The following TRRAP variants were observed in gnomAD, a reference collection of about 807,000 sequenced individuals.
The protein encoded by TRRAP is transformation/transcription domain-associated protein.
In TRRAP, 41 loss-of-function variants were observed where a neutral mutation model predicts 438.8. The ratio of observed to expected loss-of-function variants is 0.09; its 90% CI spans 0.07 to 0.12. The LOEUF (loss-of-function observed/expected upper bound fraction) is 0.12, where lower values mean the gene tolerates loss of function less well. TRRAP is among the 10% of genes least tolerant of loss of function. The pLI is 1.00. For synonymous variants in TRRAP, 1,994 were observed against 1,962.9 expected (o/e 1.02, Z -0.42); for missense variants, 3,122 against 5,055.1 (o/e 0.62, Z 11.60).
chr7:98,949,824 C>T lies in TRRAP; in HGVS notation c.5118C>T (p.Cys1706=). The T allele has an allele frequency of 6.2e-7, 1 of 1,613,298 alleles. No homozygotes were observed. The change falls in exon 37 of 73, where the codon TGC becomes TGT. Residue 1706 remains cysteine (C), a synonymous_variant. Coordinates refer to ENST00000456197, the MANE Select transcript of TRRAP (RefSeq NM_001375524.1). ...NWKEPKLLAY[C]LLNYCKRNYG... ...AGGAGCCCAAGCTGCTGGCCTACTGCCTGCTGAACTACTGCAAGTGGGTGC... is the reference window on the plus strand; with the variant it reads ...AGGAGCCCAAGCTGCTGGCCTACTGTCTGCTGAACTACTGCAAGTGGGTGC...
intron 12 of TRRAP, among the ~76,000 whole-genome samples, chr7:98,905,938 C>T (rs1429121938): frequency 1.3e-5 from 2 of 152,118 alleles, no homozygotes; most frequent in Non-Finnish European, 2.9e-5. Context: ...TTAATTTGAT[C>T]TCTGACCCTG....
In TRRAP at chr7:98,953,313, C is replaced by A; in HGVS notation, c.5610C>A (p.Thr1870=). The A allele has an allele frequency of 6.2e-7, 1 of 1,614,072 alleles. No individual in the cohort carries two copies. The highest frequency in any genetic ancestry group is 8.5e-7 in the Non-Finnish European group (1 of 1,180,044). Reference sequence around the variant, plus strand: ...ACAGCAAGCTGCGCCGCCTCATGACCTTCGCCTGGCCCTGCCTGCTCTCCA... The same window carrying A: ...ACAGCAAGCTGCGCCGCCTCATGACATTCGCCTGGCCCTGCCTGCTCTCCA... The part of the protein sequence containing the change: ...NRNSKLRRLM[T]FAWPCLLSKA... The change falls in exon 40 of 73, where the codon ACC becomes ACA. Residue 1870 remains threonine (T), a synonymous_variant. Coordinates refer to ENST00000456197, the MANE Select transcript of TRRAP (RefSeq NM_001375524.1).
intron 20 of TRRAP, among the ~76,000 whole-genome samples, chr7:98,919,844 C>A (rs1364410053): frequency 6.6e-6 from 1 of 152,174 alleles, no homozygotes; most frequent in Non-Finnish European, 1.5e-5. Context: ...GCCACAGGAA[C>A]CACCACAGGC....
At chr7:98,993,835 G>A in intron 66 of TRRAP, 98 bp downstream of exon 66, 1 of 1,240,256 alleles carries the variant, frequency 8.1e-7, no homozygotes, top group Non-Finnish European at 1.2e-6. Flanking sequence ...TTAGTTGCCG[G>A]TCCTTTTATA....
chr7:98,961,657 C>A (rs964136672), intron 46 of TRRAP, among the ~76,000 whole-genome samples, 183 bp downstream of exon 46: 1 of 152,198 alleles, frequency 6.6e-6, no homozygotes, highest in African/African-American at 2.4e-5. Context: ...TGGTGGCTCA[C>A]GCCTGTAATC....
In TRRAP at chr7:98,912,330, G is replaced by T. The variant is rs1009371491; in HGVS notation, c.2199+117G>T. ...CGTTCTGGACTCAAGCAATCCACCT[G>T]CCTTGATCTCCCCAGTTTTTGGGAC... On this transcript the variant is annotated intron_variant, in intron 18 of 72. Transcript: ENST00000456197. 4.7e-6 allele frequency: 5 copies of T among 1,070,314 alleles called. No homozygotes were observed. In the South Asian group the frequency reaches 8.2e-5, roughly 17 times the overall value. 66.3% of individuals were successfully genotyped at this position (1,070,314 alleles called of 1,614,324 possible).
rs1554408532 is a variant in TRRAP at position 98,910,387 on chromosome 7, C to T, written c.1682C>T (p.Thr561Met). ...KTLVCGVKTITWGITSCKAPG... is the reference protein window; with the variant it reads ...KTLVCGVKTIMWGITSCKAPG... The stretch of plus-strand genomic sequence containing the variant: ...TTGGTGTGTGGTGTCAAGACAATCA[C>T]GTGGGGCATAACATCATGCAAAGCA... The change falls in exon 15 of 73, where the codon ACG becomes ATG. Residue 561 changes from threonine to methionine, a missense_variant. Physicochemically the swap from Thr to Met is moderately conservative, Grantham distance 81. Transcript: ENST00000456197. The T allele has an allele frequency of 1.9e-6, 3 of 1,608,678 alleles. No individual in the cohort carries two copies. Among genetic ancestry groups the T allele is most frequent in the Non-Finnish European group, 8.5e-7 (1 of 1,178,552 alleles).
intron 21 of TRRAP, among the ~76,000 whole-genome samples, chr7:98,923,461 G>A (rs1471905981): frequency 4.6e-5 from 7 of 152,266 alleles, no homozygotes; most frequent in Admixed American, 1.3e-4. Context: ...GGAAAGATGA[G>A]CGTGGCTAAG....
intron 18 of TRRAP, among the ~76,000 whole-genome samples, chr7:98,912,893 C>T (rs1789341719): frequency 1.3e-5 from 2 of 152,140 alleles, no homozygotes; most frequent in African/African-American, 4.8e-5. Context: ...ACTCCGTTCT[C>T]CCAGAGCTGG....
Position 98,950,920 on chromosome 7 carries a change from G to A in TRRAP, c.5379G>A (p.Glu1793=). Reference sequence around the variant, plus strand: ...ATCCTGCTTTCTTGTACAGCTTTGAGAAGGGGGAAGGAGAGCAGCTCTTGG... The same window carrying A: ...ATCCTGCTTTCTTGTACAGCTTTGAAAAGGGGGAAGGAGAGCAGCTCTTGG... ...ILNPAFLYSF[E]KGEGEQLLGP... is the part of the protein sequence containing the mutation. Residue 1793 remains glutamate (E), a synonymous_variant, in exon 39 of 73, where the codon GAG becomes GAA. Transcript: ENST00000456197. 6.2e-7 allele frequency: 1 copy of A among 1,603,724 alleles called. No homozygotes were observed. Among genetic ancestry groups the A allele is most frequent in the Non-Finnish European group, 8.5e-7 (1 of 1,176,604 alleles).
intron 2 of TRRAP, 134 bp from the exon 3 acceptor site, chr7:98,881,841 G>A: frequency 1.1e-6 from 1 of 886,994 alleles, no homozygotes. Context: ...CTAGCTATGT[G>A]CCTTCTATTA....
intron 67 of TRRAP, among the ~76,000 whole-genome samples, chr7:98,996,086 C>T (rs1793644952): frequency 6.6e-6 from 1 of 151,346 alleles, no homozygotes; most frequent in South Asian, 2.1e-4. Context: ...TCCCCTCATC[C>T]TCATGTCCCA....
chr7:98,900,175 G>A (rs1796411795), intron 10 of TRRAP, among the ~76,000 whole-genome samples: 1 of 151,856 alleles, frequency 6.6e-6, no homozygotes, highest in Admixed American at 6.6e-5. Flanking sequence ...GCCTCTCGGT[G>A]AAGCCTTTTC....
intron 11 of TRRAP, among the ~76,000 whole-genome samples, chr7:98,903,121 A>G (rs1297903112): frequency 6.6e-6 from 1 of 151,988 alleles, no homozygotes; most frequent in Non-Finnish European, 1.5e-5. Flanking sequence ...TCCCAGGTTC[A>G]AGTGATTGTT....
intron 53 of TRRAP, among the ~76,000 whole-genome samples, chr7:98,972,599 C>T (rs1004549348): frequency 2.6e-5 from 4 of 152,208 alleles, no homozygotes; most frequent in Admixed American, 6.5e-5. Context: ...CTTCTGCAAA[C>T]TCTCAGGTAA....
In TRRAP at chr7:98,899,701, A is replaced by G. The variant is rs782410409; in HGVS notation, c.734A>G (p.Asn245Ser). 1.4e-5 allele frequency: 22 copies of G among 1,614,080 alleles called. No homozygotes were observed. Among genetic ancestry groups the G allele is most frequent in the East Asian group, 8.9e-5 (4 of 44,894 alleles). The change falls in exon 10 of 73, where the codon AAT becomes AGT. Residue 245 changes from asparagine (N) to serine (S), a missense_variant. Physicochemically the swap from Asn to Ser is conservative, Grantham distance 46. Transcript: ENST00000456197. ...MYQLYKLNIH[N>S]VVAEFVPLIM... ...TAGCTCTACAAACTGAACATCCACAATGTTGTTGCTGAGTTTGTGCCCTTG... is the reference window on the plus strand; with the variant it reads ...TAGCTCTACAAACTGAACATCCACAGTGTTGTTGCTGAGTTTGTGCCCTTG...
At chr7:98,923,181 CTG>C (rs1554410914) in intron 21 of TRRAP, among the ~76,000 whole-genome samples, 2 of 152,224 alleles carry the variant, frequency 1.3e-5, no homozygotes, top group African/African-American at 4.8e-5. Flanking sequence ...GGCTAAAATT[CTG>C]TCTTTTGCGT....
rs552076320 is a variant in TRRAP at position 98,897,835 on chromosome 7, A to G, written c.602A>G (p.Asn201Ser). ...ATAACAACGATTGCTGTGAAAGTCA[A>G]CCCGGAGCGTGAGGACAGTGAGACT... Reference protein sequence around the residue: ...GMITTIAVKVNPEREDSETRT... With the variant: ...GMITTIAVKVSPEREDSETRT... The change falls in exon 8 of 73, where the codon AAC becomes AGC. Residue 201 changes from asparagine to serine, a missense_variant. Transcript: ENST00000456197. 4 of 1,614,026 alleles carry G rather than the reference A, an allele frequency of 2.5e-6. No individual in the cohort carries two copies. Among genetic ancestry groups the G allele is most frequent in the East Asian group, 2.2e-5 (1 of 44,874 alleles).
intron 67 of TRRAP, among the ~76,000 whole-genome samples, chr7:98,997,313 T>C (rs1793712441): frequency 2.0e-5 from 3 of 151,570 alleles, no homozygotes; most frequent in Admixed American, 1.3e-4. Context: ...CAAAAAAGAA[T>C]ATGTTCTCAA....
Sources: gnomAD v4.1 joint callset for allele counts (sites outside exome capture counted in the v4.1 genomes callset) on GRCh38, gnomAD v4.1.1 for gene constraint, MANE v1.5 for transcripts, NCBI Gene and HGNC (gene_info 2026-07-23, HGNC 2026-07-21) for gene names.